HLF: variants seen among roughly 807,000 people sequenced by gnomAD.
HLF encodes the protein HLF transcription factor, PAR bZIP family member.
HLF carries 3 observed loss-of-function variants against 22.6 expected under a neutral mutation model. The observed-to-expected ratio is 0.13, with a 90% CI of 0.06 to 0.34. HLF has a LOEUF of 0.34. Among genes scored for constraint, HLF ranks in the 10% least tolerant of loss-of-function variants. HLF has a pLI of 1.00. For missense variants in HLF, 299 were observed against 389.2 expected, an observed-to-expected ratio of 0.77 and a Z score of 1.95; for synonymous variants, 151 against 151.8, an observed-to-expected ratio of 0.99 and a Z score of 0.04.
intron 2 of HLF, among the ~76,000 whole-genome samples, chr17:55,294,981 A>G (rs185801129): frequency 9.8e-5 from 15 of 152,328 alleles, no homozygotes; most frequent in African/African-American, 3.6e-4. Context: ...GAGTGCATTT[A>G]TTCATCATTA....
At chr17:55,280,044 C>G (rs1190202346) in intron 2 of HLF, among the ~76,000 whole-genome samples, 1 of 152,200 alleles carries the variant, frequency 6.6e-6, no homozygotes, top group East Asian at 1.9e-4. Context: ...TCAGAGGATT[C>G]CTGGAGAAGT....
chr17:55,271,297 C>T, intron 2 of HLF, among the ~76,000 whole-genome samples: 1 of 152,218 alleles, frequency 6.6e-6, no homozygotes, highest in Non-Finnish European at 1.5e-5. Context: ...TAAAACTAAG[C>T]CATCAGGCTA....
Position 55,321,807 on chromosome 17 carries a change from G to T in HLF, c.*928G>T. 4.3e-6 allele frequency: 1 copy of T among 231,950 alleles called. No homozygotes were observed. 14.4% of individuals were successfully genotyped at this position (231,950 alleles called of 1,614,324 possible). On this transcript the variant is annotated 3_prime_UTR_variant, in exon 4 of 4. Coordinates refer to ENST00000226067, the MANE Select transcript of HLF (RefSeq NM_002126.5). ...GAGGGGTTAATTTATCAGTACATGA[G>T]CCAAAAACTGCGTCTTGGATTAGCC... is the stretch of plus-strand genomic sequence containing the variant.
At chr17:55,295,601 G>C (rs1311294638) in intron 2 of HLF, among the ~76,000 whole-genome samples, 1 of 152,196 alleles carries the variant, frequency 6.6e-6, no homozygotes, top group Non-Finnish European at 1.5e-5. Context: ...GTAATGGATG[G>C]GATTTGACAG....
intron 2 of HLF, among the ~76,000 whole-genome samples, chr17:55,298,146 CAACT>C (rs1436425075): frequency 6.6e-6 from 1 of 152,092 alleles, no homozygotes; most frequent in Admixed American, 6.6e-5. Flanking sequence ...CCTTATCAAC[CAACT>C]GACTCCCATG....
intron 3 of HLF, among the ~76,000 whole-genome samples, chr17:55,319,730 T>C (rs891173955): frequency 2.0e-5 from 3 of 152,156 alleles, no homozygotes; most frequent in Non-Finnish European, 1.5e-5. Flanking sequence ...TTTTTTTTTT[T>C]AATTTCTATT....
chr17:55,316,965 GTTTTTT>G lies in HLF; in HGVS notation c.672+1533_672+1538del, dbSNP rs35293604. ...TCTTAGTGATCCAATTTTTTATGGT[GTTTTTT>G]TTTTTTTTTTTTTTGAGATGGAGTC... On this transcript the variant is annotated intron_variant, in intron 3 of 3. Coordinates refer to ENST00000226067, the MANE Select transcript of HLF (RefSeq NM_002126.5). Among the ~76,000 whole-genome samples the G allele has an allele frequency of 6.2e-3, 665 of 107,128 alleles. 4 individuals are homozygous for G. Among genetic ancestry groups the G allele is most frequent in the African/African-American group, 0.019 (519 of 27,640 alleles). 70.3% of individuals were successfully genotyped at this position (107,128 alleles called of 152,430 possible). A position where few individuals can be genotyped will look rare whatever the true frequency, so the allele number is the denominator to read the frequency against.
Position 55,321,655 on chromosome 17 carries a change from G to A in HLF, c.*776G>A, listed in dbSNP as rs1028549714. 3.5e-5 allele frequency: 8 copies of A among 227,982 alleles called. No homozygotes were observed. The highest frequency in any genetic ancestry group is 6.1e-5 in the Non-Finnish European group (7 of 114,668). 14.1% of individuals were successfully genotyped at this position (227,982 alleles called of 1,614,324 possible). A position where few individuals can be genotyped will look rare whatever the true frequency, so the allele number is the denominator to read the frequency against. On this transcript the variant is annotated 3_prime_UTR_variant, in exon 4 of 4. Transcript: ENST00000226067. ...TGCTGCCTGAGTATTACTAGTGGAC[G>A]TAGGATATTTTCCCTACCTAAGAAT...
At chr17:55,266,317 T>G (rs2080789243) in intron 1 of HLF, 1 of 152,232 alleles carries the variant, frequency 6.6e-6, no homozygotes, top group Non-Finnish European at 1.5e-5. Context: ...CCTTTCTTGG[T>G]AAGTCCCAAA....
rs1905221117 is a variant in HLF, at chr17:55,320,355, T to C, written c.673-309T>C. ...AGGGAGAGTAAAGAAAGTTGAAATG[T>C]AATTTAAGGGTGAGGTGAGCCACCT... On this transcript the variant is annotated intron_variant, in intron 3 of 3. Coordinates refer to ENST00000226067, the MANE Select transcript of HLF (RefSeq NM_002126.5). This position sits in a 1 kb window ranked among gnomAD's most constrained non-coding sequence, Gnocchi z 4.2. Among the ~76,000 whole-genome samples the C allele has an allele frequency of 6.6e-6, 1 of 152,200 alleles. No homozygotes were observed. The highest frequency in any genetic ancestry group is 1.5e-5 in the Non-Finnish European group (1 of 68,026).
In HLF at chr17:55,321,839, A is replaced by C. The variant is rs16955858; in HGVS notation, c.*960A>C. 1 of 232,282 alleles carries C rather than the reference A, an allele frequency of 4.3e-6. No homozygotes were observed. The highest frequency in any genetic ancestry group is 5.6e-5 in the Admixed American group (1 of 17,712). The allele number at this position is 232,282 out of a possible 1,614,324, so 14.4% of individuals were successfully genotyped here. On this transcript the variant is annotated 3_prime_UTR_variant, in exon 4 of 4. Coordinates refer to ENST00000226067, the MANE Select transcript of HLF (RefSeq NM_002126.5). The stretch of plus-strand genomic sequence containing the variant: ...ACTGCGTCTTGGATTAGCCTTTGAC[A>C]TTGATGTGTTCGGTTTTGTTGTTCC...
chr17:55,319,583 G>A (rs557438590), intron 3 of HLF, among the ~76,000 whole-genome samples: 7 of 152,230 alleles, frequency 4.6e-5, no homozygotes, highest in African/African-American at 1.7e-4. Context: ...GGGAAGGAGG[G>A]ATTGTTTTTA....
chr17:55,275,394 C>T (rs1163080297), intron 2 of HLF, among the ~76,000 whole-genome samples: 1 of 152,202 alleles, frequency 6.6e-6, no homozygotes, highest in African/African-American at 2.4e-5. Flanking sequence ...CTGTGCCCTG[C>T]CCAAAGAAGT....
intron 2 of HLF, among the ~76,000 whole-genome samples, chr17:55,300,808 T>C (rs1318663550): frequency 6.6e-6 from 1 of 152,218 alleles, no homozygotes; most frequent in African/African-American, 2.4e-5. Context: ...ACAATCTTTC[T>C]GAAACGAGTC....
rs142611274 is a variant in HLF at position 55,324,808 on chromosome 17, T to TGTGC, written c.*3930_*3931insTGCG. 7.0e-4 allele frequency: 162 copies of TGTGC among 230,214 alleles called. No homozygotes were observed. The highest frequency in any genetic ancestry group is 1.1e-3 in the South Asian group (6 of 5,344). The allele number at this position is 230,214 out of a possible 1,614,324, so 14.3% of individuals were successfully genotyped here. On this transcript the variant is annotated 3_prime_UTR_variant, in exon 4 of 4. Transcript: ENST00000226067. ...GTGTAAGAGTGTGTGTGTGTGTGTG[T>TGTGC]GCGTGCATGTGTGTGTGTGTGTATG...
chr17:55,288,768 A>AT, intron 2 of HLF: 3 of 263,550 alleles, frequency 1.1e-5, no homozygotes, highest in Non-Finnish European at 1.8e-5. Context: ...AAAAAAAAAA[A>AT]GTTAAATTAA....
chr17:55,272,330 A>G (rs1366416440), intron 2 of HLF: 2 of 152,244 alleles, frequency 1.3e-5, no homozygotes, highest in African/African-American at 2.4e-5. Flanking sequence ...ATAGCAGACA[A>G]AGGCAGAGTT....
chr17:55,293,947 A>AT (rs1356937932), intron 2 of HLF, among the ~76,000 whole-genome samples: 1 of 152,174 alleles, frequency 6.6e-6, no homozygotes, highest in Non-Finnish European at 1.5e-5. Context: ...TCCTCAGCCA[A>AT]TTCCTAGGGA....
At chr17:55,276,966 T>C (rs911028581) in intron 2 of HLF, among the ~76,000 whole-genome samples, 2 of 152,206 alleles carry the variant, frequency 1.3e-5, no homozygotes, top group Admixed American at 6.5e-5. Context: ...GATGTTCTAA[T>C]GATCTAGAGA....
Sources: allele counts gnomAD v4.1 joint callset (sites outside exome capture counted in the v4.1 genomes callset), GRCh38; gene constraint gnomAD v4.1.1; non-coding constraint Gnocchi (gnomAD v3.1); transcripts MANE v1.5; gene names NCBI Gene and HGNC (gene_info 2026-07-23, HGNC 2026-07-21).